Variants in GPM6A observed in about 807,000 individuals in gnomAD.
GPM6A encodes the protein glycoprotein M6A.
In GPM6A, 7 loss-of-function variants were observed where a neutral mutation model predicts 32.1. That is an observed-to-expected ratio of 0.22 (90% confidence interval 0.12 to 0.41). The LOEUF (loss-of-function observed/expected upper bound fraction) is 0.41, where lower values mean the gene tolerates loss of function less well. Ranked by LOEUF, GPM6A falls within the 10% of genes least tolerant of loss-of-function variation. The probability of loss-of-function intolerance (pLI) is 1.00; values close to 1 mark genes in which losing one functional copy is unlikely to be tolerated. For missense variants in GPM6A, 235 were observed against 347.2 expected, an observed-to-expected ratio of 0.68 and a Z score of 2.57; for synonymous variants, 130 against 123.4, an observed-to-expected ratio of 1.05 and a Z score of -0.35.
chr4:175,762,114 G>A (rs997312334), intron 1 of GPM6A, among the ~76,000 whole-genome samples: 1 of 152,160 alleles, frequency 6.6e-6, no homozygotes, highest in African/African-American at 2.4e-5. Flanking sequence ...TTCAATGTCT[G>A]AAAAAGATTA....
chr4:175,692,143 C>T (rs180895972), intron 2 of GPM6A, among the ~76,000 whole-genome samples: 7,057 of 151,934 alleles, frequency 0.046, 197 homozygotes, highest in Non-Finnish European at 0.063. Context: ...TGTGGTAATT[C>T]TTTTTTGCAG....
intron 1 of GPM6A, chr4:175,906,873 A>T (rs1738149175): frequency 6.6e-6 from 1 of 152,148 alleles, no homozygotes; most frequent in East Asian, 1.9e-4. Context: ...GAAAGTGAAG[A>T]GCATTTATGA....
At chr4:175,787,693 T>C (rs1162771905) in intron 1 of GPM6A, 3 of 841,716 alleles carry the variant, frequency 3.6e-6, no homozygotes, top group Non-Finnish European at 3.0e-6. Context: ...TAATTTTCTT[T>C]GAAAAATCTG....
chr4:175,729,849 T>C (rs1201780320), intron 1 of GPM6A, among the ~76,000 whole-genome samples: 1 of 146,146 alleles, frequency 6.8e-6, no homozygotes, highest in Non-Finnish European at 1.5e-5. Flanking sequence ...ATGTATTTAA[T>C]GTATATATGT....
At chr4:175,994,149 T>C (rs1184040239) in intron 1 of GPM6A, among the ~76,000 whole-genome samples, 1 of 152,106 alleles carries the variant, frequency 6.6e-6, no homozygotes, top group African/African-American at 2.4e-5. Flanking sequence ...ACTGAAGCTA[T>C]GAGACAGGAG....
intron 1 of GPM6A, among the ~76,000 whole-genome samples, chr4:175,777,727 A>G (rs2111246000): frequency 6.6e-6 from 1 of 152,240 alleles, no homozygotes; most frequent in East Asian, 1.9e-4. Context: ...TGAATTTGAG[A>G]AACTATAATT....
At chr4:175,705,988 A>G (rs1037858026) in intron 1 of GPM6A, among the ~76,000 whole-genome samples, 1 of 152,136 alleles carries the variant, frequency 6.6e-6, no homozygotes, top group Non-Finnish European at 1.5e-5. Context: ...ATACACAAAG[A>G]GGTATTTCTC....
At chr4:175,892,632 C>T (rs1737682628) in intron 1 of GPM6A, among the ~76,000 whole-genome samples, 1 of 152,176 alleles carries the variant, frequency 6.6e-6, no homozygotes, top group African/African-American at 2.4e-5. Flanking sequence ...ATCCCTACAG[C>T]TGTCTCTTCC....
intron 1 of GPM6A, among the ~76,000 whole-genome samples, chr4:175,868,869 T>A (rs377225912): frequency 6.6e-6 from 1 of 152,238 alleles, no homozygotes; most frequent in Non-Finnish European, 1.5e-5. Flanking sequence ...TCTCATTTGT[T>A]GCATGACTTC....
chr4:175,740,211 G>A (rs921398688), intron 1 of GPM6A, among the ~76,000 whole-genome samples: 2 of 151,886 alleles, frequency 1.3e-5, no homozygotes, highest in Non-Finnish European at 2.9e-5. Context: ...AATATATGTA[G>A]TCCAATATAG....
intron 1 of GPM6A, among the ~76,000 whole-genome samples, chr4:175,876,994 T>A (rs1737103257): frequency 6.6e-6 from 1 of 152,084 alleles, no homozygotes; most frequent in Non-Finnish European, 1.5e-5. Flanking sequence ...TGCGGTCACT[T>A]ATCCCTCCTC....
chr4:175,887,687 A>G (rs1231626195), intron 1 of GPM6A, among the ~76,000 whole-genome samples: 1 of 151,958 alleles, frequency 6.6e-6, no homozygotes, highest in Non-Finnish European at 1.5e-5. Context: ...TATTAGACAC[A>G]ATAAAAATAT....
chr4:175,825,562 A>G (rs28446624), intron 1 of GPM6A, among the ~76,000 whole-genome samples: 20,852 of 152,206 alleles, frequency 0.14, 1,977 homozygotes, highest in African/African-American at 0.28. Flanking sequence ...TGATGAAAAT[A>G]TATCAGAATG....
intron 1 of GPM6A, among the ~76,000 whole-genome samples, chr4:175,723,523 G>A (rs974719202): frequency 6.6e-6 from 1 of 152,076 alleles, no homozygotes; most frequent in African/African-American, 2.4e-5. Context: ...AATACTAAAA[G>A]GCAGGCAAAA....
chr4:175,968,855 T>C (rs1053157394), intron 1 of GPM6A, among the ~76,000 whole-genome samples: 7 of 152,158 alleles, frequency 4.6e-5, no homozygotes, highest in Admixed American at 3.3e-4. Context: ...GGTACAGCCA[T>C]TTTAGAAAAC....
chr4:175,965,726 T>G (rs56078640), intron 1 of GPM6A, among the ~76,000 whole-genome samples: 32,579 of 151,536 alleles, frequency 0.21, 4,763 homozygotes, highest in African/African-American at 0.41. Context: ...AGATTCTCCT[T>G]CCTCAGCCTC....
chr4:175,673,938 G>A, intron 2 of GPM6A, 102 bp from the exon 3 acceptor site: 2 of 704,776 alleles, frequency 2.8e-6, no homozygotes, highest in Non-Finnish European at 4.5e-6. Context: ...GAAAGTTATA[G>A]AATATTTATA....
intron 1 of GPM6A, among the ~76,000 whole-genome samples, chr4:175,730,664 G>C (rs148425194): frequency 6.6e-5 from 10 of 152,140 alleles, no homozygotes; most frequent in Admixed American, 6.5e-4. Flanking sequence ...AGTAGAGACG[G>C]GGTTTCACCG....
At chr4:175,638,454 T>G (rs1740942691) in intron 6 of GPM6A, among the ~76,000 whole-genome samples, 1 of 152,070 alleles carries the variant, frequency 6.6e-6, no homozygotes, top group Non-Finnish European at 1.5e-5. Flanking sequence ...TCTTCTAAGC[T>G]TTCTGTTTTA....
Sources: gnomAD v4.1 joint callset for allele counts (sites outside exome capture counted in the v4.1 genomes callset) on GRCh38, gnomAD v4.1.1 for gene constraint, MANE v1.5 for transcripts, NCBI Gene and HGNC (gene_info 2026-07-23, HGNC 2026-07-21) for gene names.